Variants in ST6GALNAC5 observed in about 807,000 individuals in gnomAD.
ST6GALNAC5 encodes ST6 N-acetylgalactosaminide alpha-2,6-sialyltransferase 5.
A neutral mutation model predicts 33.6 loss-of-function variants in ST6GALNAC5; 27 were observed. That is an observed-to-expected ratio of 0.80 (90% CI 0.59 to 1.11). ST6GALNAC5 has a LOEUF of 1.11. Ranked by LOEUF, ST6GALNAC5 falls within the 50% of genes least tolerant of loss-of-function variation. The probability of loss-of-function intolerance (pLI) is 0.00; values close to 1 mark genes in which losing one functional copy is unlikely to be tolerated. For synonymous variants in ST6GALNAC5, 194 were observed against 171.2 expected (o/e 1.13, Z -1.04); for missense variants, 428 against 454.0 (o/e 0.94, Z 0.52).
At chr1:77,002,793 G>C (rs1377324950) in intron 2 of ST6GALNAC5, among the ~76,000 whole-genome samples, 1 of 149,864 alleles carries the variant, frequency 6.7e-6, no homozygotes, top group Non-Finnish European at 1.5e-5. Context: ...CCACGTAGTT[G>C]AGTGGTTTTG....
At chr1:76,890,205 C>T (rs1570642399) in intron 2 of ST6GALNAC5, among the ~76,000 whole-genome samples, 1 of 152,252 alleles carries the variant, frequency 6.6e-6, no homozygotes, top group African/African-American at 2.4e-5. Flanking sequence ...GCACACATGC[C>T]AATAGTATGA....
At chr1:76,965,165 T>A (rs919727926) in intron 2 of ST6GALNAC5, among the ~76,000 whole-genome samples, 2 of 152,028 alleles carry the variant, frequency 1.3e-5, no homozygotes, top group Non-Finnish European at 2.9e-5. Context: ...TAGTTCTAGA[T>A]CCTTGAGGAA....
chr1:76,880,952 T>C (rs549498950), intron 2 of ST6GALNAC5, among the ~76,000 whole-genome samples: 2 of 152,314 alleles, frequency 1.3e-5, no homozygotes, highest in African/African-American at 4.8e-5. Flanking sequence ...GTCAGTACAA[T>C]TTCTGCTTTG....
chr1:77,056,884 C>G (rs1354130398), intron 4 of ST6GALNAC5, among the ~76,000 whole-genome samples: 1 of 152,064 alleles, frequency 6.6e-6, no homozygotes, highest in Middle Eastern at 3.2e-3. Flanking sequence ...AGCTCTTTTC[C>G]TCCCATAAGA....
At chr1:76,878,297 A>G (rs1653695528) in intron 2 of ST6GALNAC5, among the ~76,000 whole-genome samples, 1 of 152,116 alleles carries the variant, frequency 6.6e-6, no homozygotes, top group Non-Finnish European at 1.5e-5. Flanking sequence ...GCCAGTTACT[A>G]AGTATGTCTA....
chr1:76,884,126 C>T (rs557523770), intron 2 of ST6GALNAC5, among the ~76,000 whole-genome samples: 104 of 152,136 alleles, frequency 6.8e-4, no homozygotes, highest in Non-Finnish European at 1.2e-3. Flanking sequence ...GTAAGTGGCA[C>T]AGCCAGAGGA....
At chr1:76,998,702 T>G (rs943503742) in intron 2 of ST6GALNAC5, among the ~76,000 whole-genome samples, 3 of 152,200 alleles carry the variant, frequency 2.0e-5, no homozygotes. Context: ...CTGCAAAACC[T>G]GAACCATCAT....
In ST6GALNAC5 at chr1:77,045,593, G is replaced by A. The variant is rs1297722786; in HGVS notation, c.671+980G>A. On this transcript the variant is annotated intron_variant, in intron 3 of 4. Transcript: ENST00000477717. ...TGGAAATTACTGGTCTGGGAGATAAGGAAAATGCTTTCTCAAAAAGATGTA... is the reference window on the plus strand; with the variant it reads ...TGGAAATTACTGGTCTGGGAGATAAAGAAAATGCTTTCTCAAAAAGATGTA... Among the ~76,000 whole-genome samples, 5 of 152,280 alleles carry A rather than the reference G, an allele frequency of 3.3e-5. No homozygotes were observed. In the East Asian group the frequency reaches 7.7e-4, roughly 24 times the overall value.
chr1:76,894,546 T>A (rs531577896), intron 2 of ST6GALNAC5, among the ~76,000 whole-genome samples: 1 of 152,262 alleles, frequency 6.6e-6, no homozygotes, highest in South Asian at 2.1e-4. Context: ...GAGGACTTGA[T>A]AGGCACCCTA....
chr1:76,883,616 T>C (rs775112426), intron 2 of ST6GALNAC5, among the ~76,000 whole-genome samples: 17 of 152,222 alleles, frequency 1.1e-4, no homozygotes, highest in Non-Finnish European at 1.9e-4. Context: ...GATGTGGAGA[T>C]GCAATGATGC....
chr1:76,942,709 G>A (rs1361100674), intron 2 of ST6GALNAC5, among the ~76,000 whole-genome samples: 1 of 152,072 alleles, frequency 6.6e-6, no homozygotes, highest in Non-Finnish European at 1.5e-5. Flanking sequence ...CTCCCAGGCT[G>A]AATTAGATAA....
chr1:76,926,514 T>C (rs752395888), intron 2 of ST6GALNAC5, among the ~76,000 whole-genome samples: 1 of 152,196 alleles, frequency 6.6e-6, no homozygotes, highest in Non-Finnish European at 1.5e-5. Context: ...TTAAAAAAAG[T>C]ATTTTAATTG....
chr1:77,017,350 A>G (rs1650889670), intron 2 of ST6GALNAC5, among the ~76,000 whole-genome samples: 2 of 152,132 alleles, frequency 1.3e-5, no homozygotes, highest in African/African-American at 4.8e-5. Flanking sequence ...ACTGGAGAGT[A>G]GAATTGGTAG....
intron 2 of ST6GALNAC5, among the ~76,000 whole-genome samples, chr1:76,996,928 T>A (rs1179462503): frequency 6.6e-6 from 1 of 152,166 alleles, no homozygotes; most frequent in Non-Finnish European, 1.5e-5. Flanking sequence ...ATGAGAGTAA[T>A]CTTCCAGGAT....
chr1:76,902,043 G>T lies in ST6GALNAC5; in HGVS notation c.261+33301G>T, dbSNP rs534016810. On this transcript the variant is annotated intron_variant, in intron 2 of 4. Coordinates refer to ENST00000477717, the MANE Select transcript of ST6GALNAC5 (RefSeq NM_030965.3). ...AAAGTGTTATAAAATGATACATTGA[G>T]ATCATCTGATTCCCTCTTTATTGTG... Among the ~76,000 whole-genome samples, 82 of 151,952 alleles carry T rather than the reference G, an allele frequency of 5.4e-4. 1 individual carries two copies. The highest frequency in any genetic ancestry group is 1.8e-3 in the African/African-American group (74 of 41,448).
At chr1:76,990,928 C>T (rs1305882177) in intron 2 of ST6GALNAC5, among the ~76,000 whole-genome samples, 1 of 152,130 alleles carries the variant, frequency 6.6e-6, no homozygotes, top group East Asian at 1.9e-4. Flanking sequence ...GCACAGGAAA[C>T]ACCCAAGAGT....
At chr1:77,003,505 T>A (rs1002263243) in intron 2 of ST6GALNAC5, among the ~76,000 whole-genome samples, 3 of 149,026 alleles carry the variant, frequency 2.0e-5, no homozygotes, top group Non-Finnish European at 3.0e-5. Flanking sequence ...AAAGTTAATA[T>A]TGTTATGTGT....
At chr1:77,054,457 G>A (rs1440217243) in intron 4 of ST6GALNAC5, among the ~76,000 whole-genome samples, 5 of 152,206 alleles carry the variant, frequency 3.3e-5, no homozygotes, top group Non-Finnish European at 5.9e-5. Flanking sequence ...CAACAAAAGA[G>A]CATTTGACAA....
At chr1:76,942,020 G>A in intron 2 of ST6GALNAC5, among the ~76,000 whole-genome samples, 1 of 152,112 alleles carries the variant, frequency 6.6e-6, no homozygotes, top group East Asian at 1.9e-4. Flanking sequence ...ATGGCAGAAG[G>A]AGTGAGTGAG....
Sources: gnomAD v4.1 joint callset for allele counts (sites outside exome capture counted in the v4.1 genomes callset) on GRCh38, gnomAD v4.1.1 for gene constraint, MANE v1.5 for transcripts, NCBI Gene and HGNC (gene_info 2026-07-23, HGNC 2026-07-21) for gene names.